CDK6: variants seen among roughly 807,000 people sequenced by gnomAD.
CDK6 encodes cyclin dependent kinase 6.
CDK6 carries 6 observed loss-of-function variants against 37.1 expected under a neutral mutation model. The ratio of observed to expected loss-of-function variants is 0.16; its 90% CI spans 0.09 to 0.32. CDK6 has a LOEUF of 0.32. Among genes scored for constraint, CDK6 ranks in the 10% least tolerant of loss-of-function variants. The pLI, the probability that CDK6 is intolerant of heterozygous loss-of-function variation, is 1.00. For synonymous variants in CDK6, 160 were observed against 161.3 expected (o/e 0.99, Z 0.06); for missense variants, 224 against 418.9 (o/e 0.53, Z 4.06).
At chr7:92,763,970 G>A (rs2115736061) in intron 3 of CDK6, among the ~76,000 whole-genome samples, 1 of 152,092 alleles carries the variant, frequency 6.6e-6, no homozygotes, top group South Asian at 2.1e-4. Context: ...GACCACACTT[G>A]GAGAAACAAA....
intron 4 of CDK6, among the ~76,000 whole-genome samples, chr7:92,694,429 A>G (rs1167381647): frequency 1.3e-5 from 2 of 152,194 alleles, no homozygotes; most frequent in Non-Finnish European, 2.9e-5. Context: ...GATGCTGTTC[A>G]CAGAAACTTG....
rs1585334377 is a variant in CDK6 at position 92,612,012 on chromosome 7, C to T, written c.*3128G>A. On this transcript the variant is annotated 3_prime_UTR_variant, in exon 8 of 8. Transcript: ENST00000424848. ...GAGGCTCCAACCCACTGGGTTCTTACAAGTGCTTAGAAATTGTATTTTTAA... is the reference window on the plus strand; with the variant it reads ...GAGGCTCCAACCCACTGGGTTCTTATAAGTGCTTAGAAATTGTATTTTTAA... The T allele has an allele frequency of 4.3e-6, 1 of 232,768 alleles. No homozygotes were observed. Among genetic ancestry groups the T allele is most frequent in the Admixed American group, 5.6e-5 (1 of 17,772 alleles). 14.4% of individuals were successfully genotyped at this position (232,768 alleles called of 1,614,324 possible).
chr7:92,762,620 C>T (rs547996868), intron 3 of CDK6, among the ~76,000 whole-genome samples: 2 of 150,056 alleles, frequency 1.3e-5, no homozygotes, highest in Admixed American at 6.7e-5. Flanking sequence ...CAGGCTGTAG[C>T]GCAGTGGCAC....
chr7:92,607,749 T>C lies in CDK6; in HGVS notation c.*7391A>G, dbSNP rs1795460987. 2 of 232,888 alleles carry C rather than the reference T, an allele frequency of 8.6e-6. No homozygotes were observed. The highest frequency in any genetic ancestry group is 1.2e-4 in the East Asian group (2 of 16,468). The allele number at this position is 232,888 out of a possible 1,614,324, so 14.4% of individuals were successfully genotyped here. A position where few individuals can be genotyped will look rare whatever the true frequency, so the allele number is the denominator to read the frequency against. ...AAAATCCCCCGCCTGTCAGGTGCTG[T>C]TCCTGGGGGTAGCTGATGCTATAAA... On this transcript the variant is annotated 3_prime_UTR_variant, in exon 8 of 8. Transcript: ENST00000424848.
intron 3 of CDK6, among the ~76,000 whole-genome samples, chr7:92,730,912 C>T (rs1298606185): frequency 1.3e-5 from 2 of 152,124 alleles, no homozygotes; most frequent in African/African-American, 2.4e-5. Flanking sequence ...AGTGGAATTG[C>T]TGGATCTATT....
In CDK6 at chr7:92,800,708, AT is replaced by A. The variant is rs572363682; in HGVS notation, c.234-25878del. ...AAGGCACTATTTATGAACATGTTCT[AT>A]GCCATGTACTGCTATTCCCTGTAGC... On this transcript the variant is annotated intron_variant, in intron 2 of 7. Transcript: ENST00000424848. 2.4e-3 allele frequency among the ~76,000 whole-genome samples: 370 copies of A among 152,336 alleles called. 1 individual carries two copies. Among genetic ancestry groups the A allele is most frequent in the African/African-American group, 8.6e-3 (358 of 41,580 alleles).
chr7:92,694,446 A>C (rs1797664089), intron 4 of CDK6, among the ~76,000 whole-genome samples: 1 of 152,234 alleles, frequency 6.6e-6, no homozygotes, highest in African/African-American at 2.4e-5. Flanking sequence ...CTTGACATTT[A>C]CAGAAATCAA....
chr7:92,674,894 C>T (rs1477760314), intron 4 of CDK6, among the ~76,000 whole-genome samples: 4 of 152,174 alleles, frequency 2.6e-5, no homozygotes, highest in Admixed American at 1.3e-4. Flanking sequence ...TGCAATGGTG[C>T]GATCTTGGCT....
intron 4 of CDK6, chr7:92,710,978 A>G: frequency 2.9e-6 from 1 of 349,974 alleles, no homozygotes. Context: ...AGAGGCACTC[A>G]GGAGAGACAA....
rs1380227906 is a variant in CDK6 at position 92,834,739 on chromosome 7, G to C, written c.-367-1049C>G. Among the ~76,000 whole-genome samples the C allele has an allele frequency of 2.0e-5, 3 of 151,922 alleles. No individual in the cohort carries two copies. The highest frequency in any genetic ancestry group is 4.4e-5 in the Non-Finnish European group (3 of 67,964). ...GTGAGAGAGAAGGTCTCTGTCCTCGGGGCCCGGACTCGCGAACCTTTTCCC... is the reference window on the plus strand; with the variant it reads ...GTGAGAGAGAAGGTCTCTGTCCTCGCGGCCCGGACTCGCGAACCTTTTCCC... On this transcript the variant is annotated intron_variant, in intron 1 of 7. Transcript: ENST00000424848. The surrounding 1 kb of genome is among the most constrained non-coding windows in gnomAD (Gnocchi z 4.6).
Position 92,833,035 on chromosome 7 carries a change from G to T in CDK6, c.233+56C>A, listed in dbSNP as rs1191952057. 1 of 1,288,692 alleles carries T rather than the reference G, an allele frequency of 7.8e-7. No individual in the cohort carries two copies. Among genetic ancestry groups the T allele is most frequent in the Non-Finnish European group, 1.1e-6 (1 of 932,406 alleles). 79.8% of individuals were successfully genotyped at this position (1,288,692 alleles called of 1,614,324 possible). A position where few individuals can be genotyped will look rare whatever the true frequency, so the allele number is the denominator to read the frequency against. On this transcript the variant is annotated intron_variant, in intron 2 of 7. Coordinates refer to ENST00000424848, the MANE Select transcript of CDK6 (RefSeq NM_001145306.2). This position sits in a 1 kb window ranked among gnomAD's most constrained non-coding sequence, Gnocchi z 6.1. ...TTCTGGGCCTGAGGATTCCCGGCTCGGCCCTCCCCGCGCGCGCGAGGCCCC... is the reference window on the plus strand; with the variant it reads ...TTCTGGGCCTGAGGATTCCCGGCTCTGCCCTCCCCGCGCGCGCGAGGCCCC...
At chr7:92,701,871 T>C (rs1797856588) in intron 4 of CDK6, 1 of 152,280 alleles carries the variant, frequency 6.6e-6, no homozygotes, top group Non-Finnish European at 1.5e-5. Flanking sequence ...AAAATCACAA[T>C]ATTTTGATTA....
At chr7:92,726,700 C>T (rs970319974) in intron 3 of CDK6, among the ~76,000 whole-genome samples, 1 of 152,214 alleles carries the variant, frequency 6.6e-6, no homozygotes, top group African/African-American at 2.4e-5. Flanking sequence ...TGTGAGCCAC[C>T]ATGCCCAGTC....
intron 2 of CDK6, among the ~76,000 whole-genome samples, chr7:92,810,922 T>C (rs979753631): frequency 6.6e-6 from 1 of 151,930 alleles, no homozygotes; most frequent in African/African-American, 2.4e-5. Context: ...AACAATTAGC[T>C]GGGCATGGTG....
chr7:92,672,872 G>A (rs769855818), intron 4 of CDK6, among the ~76,000 whole-genome samples: 8 of 152,234 alleles, frequency 5.3e-5, no homozygotes, highest in South Asian at 2.1e-4. Context: ...AATAAATGGC[G>A]GCTGCCATCA....
At chr7:92,632,668 T>G (rs1398727539) in intron 5 of CDK6, among the ~76,000 whole-genome samples, 7 of 152,188 alleles carry the variant, frequency 4.6e-5, no homozygotes, top group Non-Finnish European at 8.8e-5. Flanking sequence ...ATATTTTGAA[T>G]GATTCATCAT....
chr7:92,787,185 CAAAA>C (rs761038672), intron 2 of CDK6, among the ~76,000 whole-genome samples: 2 of 35,458 alleles, frequency 5.6e-5, no homozygotes, highest in South Asian at 9.6e-4. Flanking sequence ...GACTCCATCA[CAAAA>C]AAAAAAAAAA....
chr7:92,631,327 G>A (rs1428103666), intron 5 of CDK6, among the ~76,000 whole-genome samples: 1 of 152,160 alleles, frequency 6.6e-6, no homozygotes, highest in Non-Finnish European at 1.5e-5. Flanking sequence ...CTCAGAGCAA[G>A]AGGCTGTAGA....
chr7:92,748,748 T>G (rs997799071), intron 3 of CDK6, among the ~76,000 whole-genome samples: 1 of 152,142 alleles, frequency 6.6e-6, no homozygotes, highest in Non-Finnish European at 1.5e-5. Flanking sequence ...ACTACAGTAC[T>G]TCCTTAAATC....
Sources: gnomAD v4.1 joint callset for allele counts (sites outside exome capture counted in the v4.1 genomes callset) on GRCh38, gnomAD v4.1.1 for gene constraint, Gnocchi (gnomAD v3.1) non-coding constraint, MANE v1.5 for transcripts, NCBI Gene and HGNC (gene_info 2026-07-23, HGNC 2026-07-21) for gene names.